The following MIS18A variants were observed in gnomAD, a reference collection of about 807,000 sequenced individuals.
MIS18A encodes MIS18 kinetochore protein A, also known as protein Mis18-alpha.
A neutral mutation model predicts 25.0 loss-of-function variants in MIS18A; 14 were observed. That is an observed-to-expected ratio of 0.56 (90% confidence interval 0.37 to 0.88). The LOEUF is 0.88. MIS18A is among the 40% of genes least tolerant of loss of function. The probability of loss-of-function intolerance (pLI) is 0.00; values close to 1 mark genes in which losing one functional copy is unlikely to be tolerated. For missense variants in MIS18A, 292 were observed against 290.8 expected, an observed-to-expected ratio of 1.00 and a Z score of -0.03; for synonymous variants, 134 against 118.6, an observed-to-expected ratio of 1.13 and a Z score of -0.84.
chr21:32,197,092 T>C, the MIS18A span, among the ~76,000 whole-genome samples: 4 of 152,218 alleles, frequency 2.6e-5, no homozygotes, highest in African/African-American at 4.8e-5. Flanking sequence ...AATGAACTGA[T>C]ACGGGTTTAT....
the MIS18A span, among the ~76,000 whole-genome samples, chr21:32,181,075 G>C: frequency 2.6e-5 from 4 of 152,130 alleles, no homozygotes; most frequent in African/African-American, 9.7e-5. Context: ...ATAGAATCAA[G>C]CAGATGGCCC....
At chr21:32,259,073 T>C in the MIS18A span, among the ~76,000 whole-genome samples, 1 of 151,954 alleles carries the variant, frequency 6.6e-6, no homozygotes, top group African/African-American at 2.4e-5. Flanking sequence ...CTGGTCTTGC[T>C]ATGTCGCCCA....
At chr21:32,159,295 G>C in the MIS18A span, among the ~76,000 whole-genome samples, 1 of 152,106 alleles carries the variant, frequency 6.6e-6, no homozygotes, top group African/African-American at 2.4e-5. Context: ...AAAACTGTGA[G>C]AGCCAATATT....
At chr21:32,189,072 A>G in the MIS18A span, among the ~76,000 whole-genome samples, 1 of 152,270 alleles carries the variant, frequency 6.6e-6, no homozygotes, top group East Asian at 1.9e-4. Flanking sequence ...TTTCTGGACA[A>G]ACTCCCTCAG....
At chr21:32,182,276 A>G in the MIS18A span, among the ~76,000 whole-genome samples, 1 of 152,204 alleles carries the variant, frequency 6.6e-6, no homozygotes, top group Non-Finnish European at 1.5e-5. Context: ...CTAGATAGGG[A>G]GCAATAGCAG....
the MIS18A span, among the ~76,000 whole-genome samples, chr21:32,195,618 CT>C: frequency 6.6e-6 from 1 of 152,210 alleles, no homozygotes; most frequent in Non-Finnish European, 1.5e-5. Flanking sequence ...CGTAGATCCT[CT>C]CTTTGCACAG....
chr21:32,179,377 G>A, the MIS18A span, among the ~76,000 whole-genome samples: 1 of 152,106 alleles, frequency 6.6e-6, no homozygotes, highest in Non-Finnish European at 1.5e-5. Flanking sequence ...AATGGTCTCT[G>A]ATTCAACTTC....
Position 32,278,736 on chromosome 21 carries a change from G to GCC in MIS18A, c.277_278dup (p.Asp94AlafsTer4). On this transcript the variant is annotated frameshift_variant, in exon 1 of 5. Transcript: ENST00000290130. LOFTEE classifies it high-confidence loss of function. ...GGCTGGCCACCCAGCTCAGCGAGTC[G>GCC]CCCAGCGGCCGCCGGCAGCCGGAGC... 6.3e-7 allele frequency: 1 copy of GCC among 1,579,954 alleles called. No individual in the cohort carries two copies. Among genetic ancestry groups the GCC allele is most frequent in the Non-Finnish European group, 8.6e-7 (1 of 1,169,516 alleles).
At chr21:32,250,806 G>A in the MIS18A span, among the ~76,000 whole-genome samples, 1 of 152,294 alleles carries the variant, frequency 6.6e-6, no homozygotes, top group South Asian at 2.1e-4. Context: ...GGGAAGGAGG[G>A]CTTTTAAACA....
At chr21:32,191,211 G>GC in the MIS18A span, among the ~76,000 whole-genome samples, 82 of 152,260 alleles carry the variant, frequency 5.4e-4, 2 homozygotes, top group South Asian at 0.017. Context: ...AATTCCCAGT[G>GC]CCCCCACAAT....
At chr21:32,166,210 T>C in the MIS18A span, among the ~76,000 whole-genome samples, 1 of 152,186 alleles carries the variant, frequency 6.6e-6, no homozygotes. Context: ...GCCATTGCAA[T>C]GTATCTCACA....
At chr21:32,205,522 C>G in the MIS18A span, among the ~76,000 whole-genome samples, 1 of 152,128 alleles carries the variant, frequency 6.6e-6, no homozygotes, top group Non-Finnish European at 1.5e-5. Flanking sequence ...CCAGCCTGCA[C>G]AGCCTCACCA....
the MIS18A span, among the ~76,000 whole-genome samples, chr21:32,229,370 G>A: frequency 6.6e-6 from 1 of 152,194 alleles, no homozygotes; most frequent in Non-Finnish European, 1.5e-5. Context: ...CTGGGGTTTT[G>A]TGGCCCTCTT....
At chr21:32,214,768 C>T in the MIS18A span, among the ~76,000 whole-genome samples, 1 of 152,174 alleles carries the variant, frequency 6.6e-6, no homozygotes, top group Non-Finnish European at 1.5e-5. Flanking sequence ...GGCTGAGGGA[C>T]AGGATACCTG....
At chr21:32,198,906 TAA>T in the MIS18A span, among the ~76,000 whole-genome samples, 32 of 131,824 alleles carry the variant, frequency 2.4e-4, no homozygotes, top group Admixed American at 3.0e-4. Flanking sequence ...AGGCTCTGTC[TAA>T]AAAAAAAAAA....
At chr21:32,278,503 A>G (rs953931536) in intron 1 of MIS18A, 178 bp downstream of exon 1, 1 of 651,398 alleles carries the variant, frequency 1.5e-6, no homozygotes, top group Non-Finnish European at 2.5e-6. Flanking sequence ...CCCGAGAGCC[A>G]AAGTGGAGGG....
At chr21:32,198,683 G>C in the MIS18A span, among the ~76,000 whole-genome samples, 1 of 152,256 alleles carries the variant, frequency 6.6e-6, no homozygotes, top group African/African-American at 2.4e-5. Flanking sequence ...AAGTGGCACT[G>C]TCTCCCAAAG....
At chr21:32,242,488 G>A in the MIS18A span, among the ~76,000 whole-genome samples, 1 of 151,670 alleles carries the variant, frequency 6.6e-6, no homozygotes, top group South Asian at 2.1e-4. Context: ...ATCTGAATTA[G>A]ACTGTACTTA....
At chr21:32,185,271 G>C in the MIS18A span, among the ~76,000 whole-genome samples, 1 of 152,128 alleles carries the variant, frequency 6.6e-6, no homozygotes, top group Non-Finnish European at 1.5e-5. Flanking sequence ...CTCCTCCCCA[G>C]GAGGGACTTA....
Sources: gnomAD v4.1 joint callset for allele counts (sites outside exome capture counted in the v4.1 genomes callset) on GRCh38, gnomAD v4.1.1 for gene constraint, MANE v1.5 for transcripts, NCBI Gene and HGNC (gene_info 2026-07-23, HGNC 2026-07-21) for gene names.